Variants in DNAH8 observed in about 807,000 individuals in gnomAD.
DNAH8 encodes the protein axonemal beta dynein heavy chain 8.
DNAH8 carries 382 observed loss-of-function variants against 562.1 expected under a neutral mutation model. The observed-to-expected ratio is 0.68, with a 90% CI of 0.63 to 0.74. The LOEUF is 0.74. Among genes scored for constraint, DNAH8 ranks in the 30% least tolerant of loss-of-function variants. The pLI is 0.00. For missense variants in DNAH8, 5,203 were observed against 5,620.4 expected (o/e 0.93, Z 2.37); for synonymous variants, 1,881 against 1,919.4 (o/e 0.98, Z 0.52).
At chr6:38,797,501 C>G (rs768811497) in intron 21 of DNAH8, among the ~76,000 whole-genome samples, 2 of 152,158 alleles carry the variant, frequency 1.3e-5, no homozygotes, top group African/African-American at 2.4e-5. Flanking sequence ...TGTGTCCTCT[C>G]TCCCTCTCTC....
At chr6:38,728,492 G>A (rs1763406210) in intron 3 of DNAH8, among the ~76,000 whole-genome samples, 1 of 118,636 alleles carries the variant, frequency 8.4e-6, no homozygotes, top group Non-Finnish European at 2.1e-5. Context: ...ATATTTTGAT[G>A]TCTTTTTATC....
chr6:38,921,748 G>A (rs1010889336), intron 71 of DNAH8, among the ~76,000 whole-genome samples: 5 of 152,052 alleles, frequency 3.3e-5, no homozygotes, highest in African/African-American at 1.2e-4. Context: ...TAATTGTGTG[G>A]TTTGGGGCTT....
At chr6:38,775,611 TCTC>T in intron 12 of DNAH8, 140 bp from the exon 13 acceptor site, 2 of 574,048 alleles carry the variant, frequency 3.5e-6, no homozygotes, top group Non-Finnish European at 6.3e-6. Flanking sequence ...TTCTGTTTTA[TCTC>T]CTCTGGTTGG....
rs376534195 is a variant in DNAH8, at chr6:38,912,528, CAT to C, written c.9859+944_9859+945del. Among the ~76,000 whole-genome samples the C allele has an allele frequency of 1.4e-3, 213 of 152,268 alleles. 3 individuals carry two copies. The highest frequency in any genetic ancestry group is 3.4e-3 in the Middle Eastern group (1 of 294). Reference sequence around the variant, plus strand: ...ATAACAGCGCCAAGGTCTGTGAAGTCATAGTTATGAGAGAAGACTGTGAAAGA... The same window carrying C: ...ATAACAGCGCCAAGGTCTGTGAAGTCAGTTATGAGAGAAGACTGTGAAAGA... On this transcript the variant is annotated intron_variant, in intron 66 of 92. Transcript: ENST00000327475.
chr6:38,783,467 AT>A (rs1768843861), intron 17 of DNAH8, among the ~76,000 whole-genome samples: 1 of 152,144 alleles, frequency 6.6e-6, no homozygotes, highest in Non-Finnish European at 1.5e-5. Flanking sequence ...ATAGATTCAA[AT>A]CTCAGTCCCA....
intron 69 of DNAH8, among the ~76,000 whole-genome samples, chr6:38,917,624 G>T (rs1230440908): frequency 6.6e-6 from 1 of 152,140 alleles, no homozygotes; most frequent in Non-Finnish European, 1.5e-5. Context: ...GCTAGTATTG[G>T]CACAGCCTTG....
At position 38,896,285 on chromosome 6, in the gene DNAH8, C is replaced by G. The variant is rs3823429; in HGVS notation, c.8940+60C>G. ...ATTGCTCACCTGACTAGATCTTTCT[C>G]TCTGCACCAGAGTCCTACCATGGAG... is the stretch of plus-strand genomic sequence containing the variant. On this transcript the variant is annotated intron_variant, in intron 60 of 92. Coordinates refer to ENST00000327475, the MANE Select transcript of DNAH8 (RefSeq NM_001206927.2). 54,872 of 1,366,852 alleles carry G rather than the reference C, an allele frequency of 0.04. 2,814 individuals are homozygous for G. Among genetic ancestry groups the G allele is most frequent in the East Asian group, 0.28 (12,188 of 43,248 alleles). The allele number at this position is 1,366,852 out of a possible 1,614,324, so 84.7% of individuals were successfully genotyped here. A position where few individuals can be genotyped will look rare whatever the true frequency, so the allele number is the denominator to read the frequency against.
intron 24 of DNAH8, among the ~76,000 whole-genome samples, chr6:38,810,716 T>C (rs1771722418): frequency 6.6e-6 from 1 of 152,200 alleles, no homozygotes; most frequent in Admixed American, 6.5e-5. Context: ...CTGTTTGATG[T>C]TTTAGTTTTA....
intron 30 of DNAH8, among the ~76,000 whole-genome samples, chr6:38,830,500 T>G (rs1330867511): frequency 2.6e-5 from 4 of 151,854 alleles, no homozygotes; most frequent in African/African-American, 9.7e-5. Flanking sequence ...CCAGGCATGG[T>G]GGCAGGCACC....
rs553696622 is a variant in DNAH8 at position 38,834,579 on chromosome 6, G to A, written c.4303G>A (p.Glu1435Lys). ...VINFAEAYEL[E>K]GPMVPNIPPQ... ...ATGGAGATTATATTCTTCCTTACAG[G>A]AAGGACCTATGGTTCCAAATATACC... is the stretch of plus-strand genomic sequence containing the variant. Residue 1435 changes from glutamate to lysine, a missense_variant and splice_region_variant, in exon 32 of 93, where the codon GAA (glutamate) becomes AAA (lysine). By Grantham distance (56) the Glu-to-Lys change is moderately conservative. Coordinates refer to ENST00000327475, the MANE Select transcript of DNAH8 (RefSeq NM_001206927.2). The A allele has an allele frequency of 6.3e-7, 1 of 1,584,686 alleles. No homozygotes were observed. Among genetic ancestry groups the A allele is most frequent in the African/African-American group, 1.4e-5 (1 of 73,932 alleles).
chr6:39,020,507 A>G (rs1766843633), intron 91 of DNAH8, among the ~76,000 whole-genome samples: 1 of 151,842 alleles, frequency 6.6e-6, no homozygotes, highest in Non-Finnish European at 1.5e-5. Flanking sequence ...CATACAATCA[A>G]TTTTCTTTTC....
intron 70 of DNAH8, among the ~76,000 whole-genome samples, chr6:38,919,989 T>C (rs1302253479): frequency 6.6e-6 from 1 of 152,168 alleles, no homozygotes; most frequent in Non-Finnish European, 1.5e-5. Flanking sequence ...TCTAAGAACC[T>C]ATGCTTTGCA....
chr6:38,901,304 A>G (rs1780065893), intron 62 of DNAH8, among the ~76,000 whole-genome samples: 1 of 152,162 alleles, frequency 6.6e-6, no homozygotes, highest in African/African-American at 2.4e-5. Context: ...TCACATTTAC[A>G]CATAAAATTT....
At chr6:38,960,374 G>T (rs1762529241) in intron 82 of DNAH8, among the ~76,000 whole-genome samples, 1 of 150,600 alleles carries the variant, frequency 6.6e-6, no homozygotes, top group Non-Finnish European at 1.5e-5. Context: ...CATCTGACAA[G>T]GTGTTAATAT....
chr6:38,729,219 C>T (rs2127572885), intron 3 of DNAH8, among the ~76,000 whole-genome samples: 1 of 151,820 alleles, frequency 6.6e-6, no homozygotes, highest in South Asian at 2.1e-4. Context: ...AACAAACAAA[C>T]AAACAAACAA....
rs1361848839 is a variant in DNAH8 at position 38,863,947 on chromosome 6, G to A, written c.6385G>A (p.Ala2129Thr). The change falls in exon 45 of 93, where the codon GCA (alanine) becomes ACA (threonine). Residue 2129 changes from alanine to threonine, a missense_variant. By Grantham distance (58) the Ala-to-Thr change is moderately conservative. This residue lies in a region of DNAH8 where 2,176 missense variants were observed against 2,365.1 expected (regional missense o/e 0.92). Transcript: ENST00000327475. Reference sequence around the variant, plus strand: ...TGAATTGCCTGTATTATCAGTGGCAGCACAACAAATTTATATTGTTTTGAC... The same window carrying A: ...TGAATTGCCTGTATTATCAGTGGCAACACAACAAATTTATATTGTTTTGAC... ...RIELPVLSVA[A>T]QQIYIVLTAR... 6.2e-7 allele frequency: 1 copy of A among 1,613,036 alleles called. No homozygotes were observed. The highest frequency in any genetic ancestry group is 1.7e-5 in the Admixed American group (1 of 59,830).
At chr6:39,029,184 G>C (rs1303346548) in intron 92 of DNAH8, among the ~76,000 whole-genome samples, 1 of 151,948 alleles carries the variant, frequency 6.6e-6, no homozygotes, top group African/African-American at 2.4e-5. Context: ...TACAACCATC[G>C]AGCCCTCTGA....
Position 38,873,088 on chromosome 6 carries a change from T to C in DNAH8, c.7420T>C (p.Ser2474Pro). 1 of 1,614,042 alleles carries C rather than the reference T, an allele frequency of 6.2e-7. No individual in the cohort carries two copies. The highest frequency in any genetic ancestry group is 8.5e-7 in the Non-Finnish European group (1 of 1,179,974). ...CGAGAACGCCTCTCCTGCCACGGTTTCTAGGATGGGCATGGTCTATATCAG... is the reference window on the plus strand; with the variant it reads ...CGAGAACGCCTCTCCTGCCACGGTTCCTAGGATGGGCATGGTCTATATCAG... ...NIENASPATV[S>P]RMGMVYISSS... is the part of the protein sequence containing the mutation. Residue 2474 changes from serine to proline, a missense_variant, in exon 51 of 93, where the codon TCT becomes CCT. Physicochemically the swap from Ser to Pro is moderately conservative, Grantham distance 74 (BLOSUM62 -1). Around this residue, in one of 6 missense-constraint regions of DNAH8, gnomAD observed 977 missense variants for 1,061.8 expected, o/e 0.92. Coordinates refer to ENST00000327475, the MANE Select transcript of DNAH8 (RefSeq NM_001206927.2).
chr6:38,868,294 C>G, intron 48 of DNAH8, 98 bp downstream of exon 48: 1 of 1,198,726 alleles, frequency 8.3e-7, no homozygotes, highest in Non-Finnish European at 1.2e-6. Flanking sequence ...CTGTGAGCAC[C>G]CATAATTACA....
Sources: allele counts gnomAD v4.1 joint callset (sites outside exome capture counted in the v4.1 genomes callset), GRCh38; gene constraint gnomAD v4.1.1; regional missense constraint gnomAD v4.1.1; transcripts MANE v1.5; gene names NCBI Gene and HGNC (gene_info 2026-07-23, HGNC 2026-07-21).